The following HIP1R variants were observed in gnomAD, a reference collection of about 807,000 sequenced individuals.
HIP1R encodes huntingtin-interacting protein 1-related protein.
In HIP1R, 135 loss-of-function variants were observed where a neutral mutation model predicts 144.2. The ratio of observed to expected loss-of-function variants is 0.94; its 90% CI spans 0.81 to 1.08. The LOEUF (loss-of-function observed/expected upper bound fraction) is 1.08. Among genes scored for constraint, HIP1R ranks in the 50% least tolerant of loss-of-function variants. The pLI is 0.00. For missense variants in HIP1R, 1,462 were observed against 1,432.8 expected, an observed-to-expected ratio of 1.02 and a Z score of -0.33; for synonymous variants, 698 against 612.8, an observed-to-expected ratio of 1.14 and a Z score of -2.05.
At chr12:122,858,815 C>CA in intron 20 of HIP1R, 23 bp from the exon 21 acceptor site, 4 of 1,565,866 alleles carry the variant, frequency 2.6e-6, no homozygotes, top group African/African-American at 1.3e-5. Context: ...CTCCCCCAAC[C>CA]TTGGCCCCAC....
At chr12:122,848,168 C>T (rs892843877) in intron 2 of HIP1R, 74 bp downstream of exon 2, 26 of 1,492,884 alleles carry the variant, frequency 1.7e-5, no homozygotes, top group East Asian at 1.1e-4. Flanking sequence ...AGGTGGCCTG[C>T]GGTCAGCTGT....
chr12:122,859,803 CGGGGGTGAAGCT>C lies in HIP1R; in HGVS notation c.2441_2452del (p.Gly814_Leu817del), dbSNP rs768139549. 1 of 1,612,768 alleles carries C rather than the reference CGGGGGTGAAGCT, an allele frequency of 6.2e-7. No homozygotes were observed. Among genetic ancestry groups the C allele is most frequent in the Non-Finnish European group, 8.5e-7 (1 of 1,179,828 alleles). ...ATGAACCAGGCACGCCACGCCAGCT[CGGGGGTGAAGCT>C]GGAGGTGAACGAGAGGTGAGCCCCC... On this transcript the variant is annotated inframe_deletion, in exon 24 of 32. Transcript: ENST00000253083.
chr12:122,848,638 G>A (rs755784941), intron 3 of HIP1R, 30 bp downstream of exon 3: 28 of 1,601,054 alleles, frequency 1.7e-5, no homozygotes, highest in Middle Eastern at 1.7e-4. Flanking sequence ...TCTGCTCCCC[G>A]GAGCTGGGGC....
chr12:122,850,320 G>C (rs554977320), intron 5 of HIP1R: 10 of 422,646 alleles, frequency 2.4e-5, no homozygotes, highest in Non-Finnish European at 4.6e-5. Flanking sequence ...AGGGTCCAGC[G>C]TGGGGCCCCC....
upstream of HIP1R, chr12:122,835,128 T>A: frequency 1.4e-6 from 1 of 704,454 alleles, no homozygotes. Flanking sequence ...AGGGAGGGGA[T>A]TAGAGGTGGG....
In HIP1R at chr12:122,854,996, G is replaced by A. The variant is rs1380888772; in HGVS notation, c.776+34G>A. 8.7e-6 allele frequency: 14 copies of A among 1,613,514 alleles called. No individual in the cohort carries two copies. The East Asian group carries it at 1.3e-4, about 15-fold the overall frequency. ...TGGGACAGGGACAGGATTGAGGCCG[G>A]TGGGGGAGAGGCTCCGTGGCCCCTT... On this transcript the variant is annotated intron_variant, in intron 9 of 31. Transcript: ENST00000253083.
intron 1 of HIP1R, among the ~76,000 whole-genome samples, chr12:122,842,621 C>T (rs1566101690): frequency 1.3e-5 from 2 of 152,194 alleles, no homozygotes; most frequent in South Asian, 2.1e-4. Flanking sequence ...CACAGGGTGC[C>T]GCGGGGTTGG....
At chr12:122,847,924 T>C in intron 1 of HIP1R, 107 bp from the exon 2 acceptor site, 1 of 1,068,680 alleles carries the variant, frequency 9.4e-7, no homozygotes, top group Non-Finnish European at 1.4e-6. Flanking sequence ...TCCACTGGCC[T>C]TGAACCCAGG....
At position 122,848,028 on chromosome 12, in the gene HIP1R, C is replaced by T. The variant is rs781559195; in HGVS notation, c.94-3C>T. The T allele has an allele frequency of 4.2e-5, 67 of 1,613,460 alleles. No individual in the cohort carries two copies. Among genetic ancestry groups the T allele is most frequent in the Non-Finnish European group, 5.5e-5 (65 of 1,179,936 alleles). On this transcript the variant is annotated splice_polypyrimidine_tract_variant and splice_region_variant and intron_variant, in intron 1 of 31. Transcript: ENST00000253083. The stretch of plus-strand genomic sequence containing the variant: ...CTAAACACTGCTCCTTTGTCCCTCA[C>T]AGGCCATCAGCATCAGCAAAGCCAT...
intron 7 of HIP1R, 101 bp downstream of exon 7, chr12:122,851,398 T>A: frequency 1.0e-6 from 1 of 999,414 alleles, no homozygotes; most frequent in Non-Finnish European, 1.4e-6. Flanking sequence ...GACCAACTGA[T>A]CACTATGAAA....
chr12:122,844,753 G>A (rs1391354265), intron 1 of HIP1R, among the ~76,000 whole-genome samples: 1 of 152,160 alleles, frequency 6.6e-6, no homozygotes, highest in Non-Finnish European at 1.5e-5. Context: ...TCCACCCTGA[G>A]CTGAGGTCCA....
chr12:122,859,445 T>C lies in HIP1R; in HGVS notation c.2315T>C (p.Leu772Pro), dbSNP rs2033697100. ...CACCAGGAACTGAAACCCAAGAGCC[T>C]AGATGTGCGGCAGGAGGAGCTGGGG... ...QLGQELKPKS[L>P]DVRQEELGAV... Residue 772 changes from leucine (L) to proline (P), a missense_variant, in exon 23 of 32, where the codon CTA becomes CCA. Leu to Pro is a moderately conservative substitution (Grantham distance 98). This residue lies in a region of HIP1R where 1,112 missense variants were observed against 1,011.7 expected (regional missense o/e 1.10). Transcript: ENST00000253083. The C allele has an allele frequency of 6.2e-7, 1 of 1,613,230 alleles. No homozygotes were observed. Among genetic ancestry groups the C allele is most frequent in the African/African-American group, 1.3e-5 (1 of 74,918 alleles).
rs1024965220 is a variant in HIP1R, at chr12:122,857,009, G to A, written c.1621-12G>A. 4.1e-5 allele frequency: 64 copies of A among 1,548,160 alleles called. No individual in the cohort carries two copies. The highest frequency in any genetic ancestry group is 5.2e-5 in the Non-Finnish European group (60 of 1,146,648). ...CTCTGTTCACATGCCTGGTGTCCAT[G>A]TCTGTCCACAGAGCAAGTCGGAGCT... On this transcript the variant is annotated splice_polypyrimidine_tract_variant and intron_variant, in intron 17 of 31. Transcript: ENST00000253083.
At chr12:122,843,149 G>A (rs1593862331) in intron 1 of HIP1R, among the ~76,000 whole-genome samples, 1 of 152,162 alleles carries the variant, frequency 6.6e-6, no homozygotes, top group Non-Finnish European at 1.5e-5. Context: ...GTGGTGGGAC[G>A]ATAAGGATGT....
At chr12:122,855,480 A>G in intron 11 of HIP1R, 71 bp from the exon 12 acceptor site, 28 of 1,546,834 alleles carry the variant, frequency 1.8e-5, no homozygotes, top group South Asian at 3.6e-5. Context: ...TCGGGTGGCC[A>G]GCCCTCCCTT....
In HIP1R at chr12:122,859,845, T is replaced by G; in HGVS notation, c.2465+15T>G. On this transcript the variant is annotated intron_variant, in intron 24 of 31. Coordinates refer to ENST00000253083, the MANE Select transcript of HIP1R (RefSeq NM_003959.3). Reference sequence around the variant, plus strand: ...GTGAACGAGAGGTGAGCCCCCCTTCTGTCCCCCCAGGCCCAGCCGAGGTGG... The same window carrying G: ...GTGAACGAGAGGTGAGCCCCCCTTCGGTCCCCCCAGGCCCAGCCGAGGTGG... 6.2e-7 allele frequency: 1 copy of G among 1,610,980 alleles called. No homozygotes were observed. Among genetic ancestry groups the G allele is most frequent in the Non-Finnish European group, 8.5e-7 (1 of 1,178,734 alleles).
intron 7 of HIP1R, among the ~76,000 whole-genome samples, chr12:122,852,319 T>C (rs1184165766): frequency 6.6e-6 from 1 of 152,080 alleles, no homozygotes; most frequent in East Asian, 1.9e-4. Context: ...GGATCTGACA[T>C]GGAGAGCAGA....
In HIP1R at chr12:122,861,790, C is replaced by G. The variant is rs756179676; in HGVS notation, c.*37C>G. On this transcript the variant is annotated 3_prime_UTR_variant, in exon 32 of 32. Transcript: ENST00000253083. ...GTCCAGCAGGGTGGCTGGTGACAGGCCTGGGCCTCTGCAACTGCCCTGACA... is the reference window on the plus strand; with the variant it reads ...GTCCAGCAGGGTGGCTGGTGACAGGGCTGGGCCTCTGCAACTGCCCTGACA... 13 of 1,603,810 alleles carry G rather than the reference C, an allele frequency of 8.1e-6. No homozygotes were observed. In the South Asian group the frequency reaches 1.4e-4, roughly 18 times the overall value.
chr12:122,842,452 G>A (rs1042034199), intron 1 of HIP1R, among the ~76,000 whole-genome samples: 5 of 152,230 alleles, frequency 3.3e-5, no homozygotes, highest in African/African-American at 4.8e-5. Context: ...CTTGTCCTTC[G>A]AGTGTTCACC....
Sources: allele counts gnomAD v4.1 joint callset (sites outside exome capture counted in the v4.1 genomes callset), GRCh38; gene constraint gnomAD v4.1.1; regional missense constraint gnomAD v4.1.1; transcripts MANE v1.5; gene names NCBI Gene and HGNC (gene_info 2026-07-23, HGNC 2026-07-21).